NAA38: variants seen among roughly 807,000 people sequenced by gnomAD.
NAA38 encodes the protein N-alpha-acetyltransferase 38, NatC auxiliary subunit, also known as LSM domain containing 1.
In NAA38, 15 loss-of-function variants were observed where a neutral mutation model predicts 12.6. The ratio of observed to expected loss-of-function variants is 1.19; its 90% confidence interval spans 0.79 to 1.83. The LOEUF (loss-of-function observed/expected upper bound fraction) is 1.83. Ranked by LOEUF, NAA38 falls within the 40% of genes most tolerant of loss-of-function variation. NAA38 has a pLI of 0.00. For synonymous variants in NAA38, 88 were observed against 69.9 expected (o/e 1.26, Z -1.29); for missense variants, 183 against 171.7 (o/e 1.07, Z -0.37).
chr17:7,871,428 A>G (rs914545911), intron 2 of NAA38, among the ~76,000 whole-genome samples: 4 of 152,172 alleles, frequency 2.6e-5, no homozygotes, highest in African/African-American at 9.7e-5. Flanking sequence ...TCTTTTGTAC[A>G]TATACTTTAC....
chr17:7,857,317 G>T, intron 1 of NAA38, 66 bp downstream of exon 1: 5 of 1,612,608 alleles, frequency 3.1e-6, no homozygotes, highest in Non-Finnish European at 4.2e-6. Context: ...GGGAGCTGCA[G>T]TTCCCCACCC....
intron 2 of NAA38, among the ~76,000 whole-genome samples, chr17:7,878,943 TTAA>T (rs1418626962): frequency 1.3e-5 from 2 of 151,246 alleles, no homozygotes; most frequent in African/African-American, 4.9e-5. Context: ...GTATATATGT[TTAA>T]TAATATGTAA....
chr17:7,859,117 ACTTT>A, upstream of NAA38: 3 of 573,214 alleles, frequency 5.2e-6, no homozygotes, highest in East Asian at 2.9e-5. Context: ...CAGCAATTGG[ACTTT>A]CTTTTTAATC....
upstream of NAA38, chr17:7,859,353 T>G (rs1457052107): frequency 3.2e-5 from 50 of 1,585,614 alleles, no homozygotes; most frequent in Non-Finnish European, 4.2e-5. Context: ...TCCAGAATTC[T>G]GGGGGTGGGG....
At chr17:7,858,626 G>A (rs754888730), upstream of NAA38, 7 of 1,604,184 alleles carry the variant, frequency 4.4e-6, no homozygotes, top group Middle Eastern at 3.3e-4. Flanking sequence ...ACATAGATCC[G>A]CTGACCGGCT....
chr17:7,868,119 A>C (rs937434446), intron 2 of NAA38, among the ~76,000 whole-genome samples: 2 of 151,884 alleles, frequency 1.3e-5, no homozygotes, highest in African/African-American at 4.9e-5. Context: ...GGCAGATAGC[A>C]GCTGTAGCCA....
chr17:7,884,063 GCCC>G (rs1257686223), intron 1 of NAA38, among the ~76,000 whole-genome samples: 1 of 102,052 alleles, frequency 9.8e-6, no homozygotes, highest in Admixed American at 8.5e-5. Flanking sequence ...AATCCTTCAT[GCCC>G]CCCCAACACA....
intron 3 of NAA38, chr17:7,865,043 C>A (rs1014917931): frequency 2.0e-5 from 3 of 152,072 alleles, no homozygotes; most frequent in African/African-American, 7.2e-5. Flanking sequence ...TCAACCTGTA[C>A]ATACACATAC....
upstream of NAA38, chr17:7,857,625 T>C: frequency 1.5e-6 from 2 of 1,360,388 alleles, no homozygotes; most frequent in Non-Finnish European, 1.9e-6. Flanking sequence ...GAGCTTCTCC[T>C]ACTTCTCTAG....
At chr17:7,876,520 G>T (rs1967177918) in intron 2 of NAA38, among the ~76,000 whole-genome samples, 2 of 151,976 alleles carry the variant, frequency 1.3e-5, no homozygotes, top group South Asian at 4.2e-4. Context: ...CACCTAAACT[G>T]CCCTTTTACT....
At chr17:7,858,916 C>T, upstream of NAA38, 3 of 1,187,244 alleles carry the variant, frequency 2.5e-6, no homozygotes, top group East Asian at 2.6e-5. Flanking sequence ...TTTCCATAAC[C>T]GGTGGGAGTG....
At chr17:7,873,013 G>A (rs149697936) in intron 2 of NAA38, among the ~76,000 whole-genome samples, 2 of 152,136 alleles carry the variant, frequency 1.3e-5, no homozygotes, top group African/African-American at 4.8e-5. Flanking sequence ...GAGAGTCAGG[G>A]GAGTTTAGTG....
chr17:7,885,064 G>GCCGCCGCCC lies in NAA38; in HGVS notation c.-167+92_-167+100dup, dbSNP rs1162070453. 39,587 of 983,632 alleles carry GCCGCCGCCC rather than the reference G, an allele frequency of 0.04. 909 individuals are homozygous for GCCGCCGCCC. The highest frequency in any genetic ancestry group is 0.1 in the Admixed American group (1,589 of 15,936). The allele number at this position is 983,632 out of a possible 1,614,324, so 60.9% of individuals were successfully genotyped here. Reference sequence around the variant, plus strand: ...CGCCGCCGCCACCGCTGCCCCCGCCGCCGCCGCCCCCGCCGCCAGGTAAGC... The same window carrying GCCGCCGCCC: ...CGCCGCCGCCACCGCTGCCCCCGCCGCCGCCGCCCCCGCCGCCCCCGCCGCCAGGTAAGC... On this transcript the variant is annotated intron_variant, in intron 1 of 4. Coordinates refer to the NAA38 transcript ENST00000576861.
intron 1 of NAA38, chr17:7,885,112 AG>A: frequency 5.1e-6 from 5 of 975,502 alleles, no homozygotes; most frequent in Non-Finnish European, 6.0e-6. Context: ...TCCCCCCCCA[AG>A]CCCGAGTGGG....
At chr17:7,857,637 G>A (rs1226171505), upstream of NAA38, 10 of 1,352,598 alleles carry the variant, frequency 7.4e-6, no homozygotes, top group East Asian at 8.4e-5. Context: ...CTTCTCTAGC[G>A]CTGTGGCTCA....
chr17:7,867,003 G>A (rs544559887), intron 2 of NAA38, among the ~76,000 whole-genome samples: 2 of 152,342 alleles, frequency 1.3e-5, no homozygotes, highest in East Asian at 1.9e-4. Context: ...TTCTGGGGAA[G>A]TATCATCTCA....
At chr17:7,865,974 C>G (rs1966962926) in intron 3 of NAA38, 1 of 152,300 alleles carries the variant, frequency 6.6e-6, no homozygotes, top group Non-Finnish European at 1.5e-5. Context: ...AAATTAATGA[C>G]ACAGTTCCTG....
Position 7,856,710 on chromosome 17 carries a change from G to T in NAA38, c.*21C>A. 1 of 1,595,384 alleles carries T rather than the reference G, an allele frequency of 6.3e-7. No individual in the cohort carries two copies. Among genetic ancestry groups the T allele is most frequent in the South Asian group, 1.1e-5 (1 of 90,648 alleles). The stretch of plus-strand genomic sequence containing the variant: ...TTCGGTCATAAGTTTAATGAAGTCT[G>T]AAAGGTAAGCGCCATCGTGGTCAGA... On this transcript the variant is annotated 3_prime_UTR_variant, in exon 3 of 3. Transcript: ENST00000575771.
At chr17:7,857,871 T>G (rs2078843087), upstream of NAA38, 1 of 1,384,630 alleles carries the variant, frequency 7.2e-7, no homozygotes. Context: ...CCGCAACTCC[T>G]GAAAGCGGCG....
Sources: allele counts gnomAD v4.1 joint callset (sites outside exome capture counted in the v4.1 genomes callset), GRCh38; gene constraint gnomAD v4.1.1; transcripts MANE v1.5; gene names NCBI Gene and HGNC (gene_info 2026-07-23, HGNC 2026-07-21).